The following TLN2 variants were observed in gnomAD, a reference collection of about 807,000 sequenced individuals.
TLN2 encodes talin-2.
A neutral mutation model predicts 294.7 loss-of-function variants in TLN2; 118 were observed. That is an observed-to-expected ratio of 0.40 (90% CI 0.34 to 0.47). The LOEUF is 0.47. TLN2 is among the 20% of genes least tolerant of loss of function. The pLI is 0.84. For synonymous variants in TLN2, 1,431 were observed against 1,304.5 expected (o/e 1.10, Z -2.09); for missense variants, 3,083 against 3,282.2 (o/e 0.94, Z 1.48).
intron 52 of TLN2, among the ~76,000 whole-genome samples, chr15:62,818,436 T>C (rs1405488715): frequency 1.3e-5 from 2 of 152,186 alleles, no homozygotes; most frequent in African/African-American, 4.8e-5. Flanking sequence ...TTTAGATCCC[T>C]GGTGGAAGAT....
At chr15:62,820,383 T>A (rs2067461455) in intron 53 of TLN2, 103 bp from the exon 54 acceptor site, 1 of 1,336,762 alleles carries the variant, frequency 7.5e-7, no homozygotes, top group African/African-American at 1.5e-5. Context: ...CAGGTCAGGC[T>A]CCTGGAGCCT....
At chr15:62,411,543 C>A (rs1011439209) in intron 1 of TLN2, among the ~76,000 whole-genome samples, 2 of 142,316 alleles carry the variant, frequency 1.4e-5, no homozygotes, top group South Asian at 2.2e-4. Context: ...ATTTTTTTTT[C>A]TTTTGGGTCA....
chr15:62,728,932 A>T (rs2060576604), intron 28 of TLN2, among the ~76,000 whole-genome samples: 1 of 152,172 alleles, frequency 6.6e-6, no homozygotes, highest in Non-Finnish European at 1.5e-5. Flanking sequence ...GCCTAAGATT[A>T]ATGCAGATGT....
chr15:62,463,068 C>G (rs1229968103), intron 1 of TLN2, among the ~76,000 whole-genome samples: 1 of 152,150 alleles, frequency 6.6e-6, no homozygotes, highest in Non-Finnish European at 1.5e-5. Context: ...TTCCCCCAAC[C>G]CCCCTGCCTC....
chr15:62,630,334 C>T (rs1008189741), intron 3 of TLN2, among the ~76,000 whole-genome samples: 4 of 152,238 alleles, frequency 2.6e-5, no homozygotes, highest in Admixed American at 6.5e-5. Flanking sequence ...GGCTAAAACC[C>T]GGTGAGAAAG....
At chr15:62,625,260 G>A (rs895851107) in intron 3 of TLN2, among the ~76,000 whole-genome samples, 1 of 152,122 alleles carries the variant, frequency 6.6e-6, no homozygotes, top group African/African-American at 2.4e-5. Context: ...ACTCAAGGCT[G>A]AATGAACCCT....
intron 9 of TLN2, among the ~76,000 whole-genome samples, chr15:62,664,886 C>T (rs1347727951): frequency 2.9e-5 from 1 of 34,956 alleles, no homozygotes; most frequent in Admixed American, 2.6e-4. Context: ...AAAGTGGCTA[C>T]CTAATAAAGA....
At chr15:62,664,857 C>CAA (rs10634187) in intron 9 of TLN2, among the ~76,000 whole-genome samples, 18 of 29,232 alleles carry the variant, frequency 6.2e-4, no homozygotes, top group African/African-American at 1.7e-3. Context: ...GAAACTGTCT[C>CAA]AAAAAAAAAA....
At chr15:62,795,887 T>G (rs2065440603) in intron 46 of TLN2, among the ~76,000 whole-genome samples, 1 of 152,196 alleles carries the variant, frequency 6.6e-6, no homozygotes, top group Admixed American at 6.5e-5. Context: ...CCAGAAATAG[T>G]GGCCCCATTT....
chr15:62,425,779 C>T (rs574244614), intron 1 of TLN2, among the ~76,000 whole-genome samples: 1 of 152,202 alleles, frequency 6.6e-6, no homozygotes, highest in Non-Finnish European at 1.5e-5. Flanking sequence ...CTGCAGGACT[C>T]AGTTGGTATG....
chr15:62,636,352 TGAG>T (rs1468442071), intron 3 of TLN2, among the ~76,000 whole-genome samples: 12 of 152,074 alleles, frequency 7.9e-5, no homozygotes, highest in South Asian at 2.1e-4. Flanking sequence ...TGGTAGAAAA[TGAG>T]GAGCCTTTGG....
chr15:62,521,086 G>C (rs1446908440), intron 1 of TLN2, among the ~76,000 whole-genome samples: 2 of 152,190 alleles, frequency 1.3e-5, no homozygotes. Context: ...TAGATTGACA[G>C]GGGAGTGTGT....
chr15:62,642,951 C>G (rs2051313652), intron 3 of TLN2, among the ~76,000 whole-genome samples: 1 of 152,210 alleles, frequency 6.6e-6, no homozygotes, highest in African/African-American at 2.4e-5. Context: ...ATCTGCCCAA[C>G]TCGGCCTCCC....
At chr15:62,724,944 C>T (rs1332863478) in intron 26 of TLN2, 32 bp from the exon 27 acceptor site, 11 of 1,584,882 alleles carry the variant, frequency 6.9e-6, no homozygotes, top group Non-Finnish European at 9.5e-6. Flanking sequence ...CCCAAGCAGA[C>T]TGGGTATACA....
At chr15:62,477,190 G>A (rs1459518387) in intron 1 of TLN2, among the ~76,000 whole-genome samples, 1 of 152,170 alleles carries the variant, frequency 6.6e-6, no homozygotes, top group Non-Finnish European at 1.5e-5. Context: ...TTACTCTAAA[G>A]CATCCTGGGC....
rs538794654 is a variant in TLN2 at position 62,608,515 on chromosome 15, A to G, written c.-161-9836A>G. On this transcript the variant is annotated intron_variant, in intron 2 of 58. Transcript: ENST00000636159. Reference sequence around the variant, plus strand: ...TGATGGGATGGCAGTGTCGTAGAGTAGGAGGAAAGCACAGGTTTGAGAGTG... The same window carrying G: ...TGATGGGATGGCAGTGTCGTAGAGTGGGAGGAAAGCACAGGTTTGAGAGTG... 2.6e-5 allele frequency among the ~76,000 whole-genome samples: 4 copies of G among 152,256 alleles called. No homozygotes were observed. In the South Asian group the frequency reaches 8.3e-4, roughly 32 times the overall value.
At chr15:62,544,122 T>A (rs934566844) in intron 1 of TLN2, among the ~76,000 whole-genome samples, 1 of 152,194 alleles carries the variant, frequency 6.6e-6, no homozygotes, top group Non-Finnish European at 1.5e-5. Flanking sequence ...GTTCTTAGAG[T>A]GGCGAATCTC....
chr15:62,582,305 T>A lies in TLN2; in HGVS notation c.-237-7382T>A, dbSNP rs115280597. Among the ~76,000 whole-genome samples, 20 of 150,726 alleles carry A rather than the reference T, an allele frequency of 1.3e-4. 1 individual carries two copies. The highest frequency in any genetic ancestry group is 4.9e-4 in the African/African-American group (20 of 40,882). Reference sequence around the variant, plus strand: ...TGTACCCCAGTTTTTTGGGGCCCCCTGTGTCTGCCCCAGTTTCTTGGAGTC... The same window carrying A: ...TGTACCCCAGTTTTTTGGGGCCCCCAGTGTCTGCCCCAGTTTCTTGGAGTC... On this transcript the variant is annotated intron_variant, in intron 1 of 58. Transcript: ENST00000636159.
intron 1 of TLN2, among the ~76,000 whole-genome samples, chr15:62,519,875 C>G (rs2040372127): frequency 6.6e-6 from 1 of 152,194 alleles, no homozygotes; most frequent in Admixed American, 6.5e-5. Flanking sequence ...CGTTTTCATG[C>G]TGCTGATAAA....
Sources: allele counts gnomAD v4.1 joint callset (sites outside exome capture counted in the v4.1 genomes callset), GRCh38; gene constraint gnomAD v4.1.1; transcripts MANE v1.5; gene names NCBI Gene and HGNC (gene_info 2026-07-23, HGNC 2026-07-21).